Variants in ATP8A2 observed in about 807,000 individuals in gnomAD.
ATP8A2 encodes the protein ATPase phospholipid transporting 8A2.
Under a neutral mutation model 165.6 loss-of-function variants are expected in ATP8A2, and 100 were observed. That is an observed-to-expected ratio of 0.60 (90% confidence interval 0.51 to 0.71). ATP8A2 has a LOEUF of 0.71. Ranked by LOEUF, ATP8A2 falls within the 30% of genes least tolerant of loss-of-function variation. The probability of loss-of-function intolerance (pLI) is 0.00; values close to 1 mark genes in which losing one functional copy is unlikely to be tolerated. For missense variants in ATP8A2, 1,227 were observed against 1,479.5 expected (o/e 0.83, Z 2.80); for synonymous variants, 543 against 548.8 (o/e 0.99, Z 0.15).
chr13:25,658,929 G>A (rs1321904206), intron 24 of ATP8A2, among the ~76,000 whole-genome samples: 1 of 152,210 alleles, frequency 6.6e-6, no homozygotes, highest in Non-Finnish European at 1.5e-5. Context: ...GTGAGCTGTG[G>A]ATGAAGGGTA....
chr13:25,400,521 T>C (rs1459185054), intron 1 of ATP8A2, among the ~76,000 whole-genome samples: 5 of 152,242 alleles, frequency 3.3e-5, no homozygotes, highest in Admixed American at 1.3e-4. Flanking sequence ...TAGTATCATT[T>C]CAAGTCCTCT....
intron 33 of ATP8A2, among the ~76,000 whole-genome samples, chr13:25,884,224 A>G (rs1216930856): frequency 2.0e-5 from 3 of 152,144 alleles, no homozygotes; most frequent in African/African-American, 4.8e-5. Flanking sequence ...TTGGAGTTAC[A>G]TGGGTCTCTG....
intron 2 of ATP8A2, among the ~76,000 whole-genome samples, chr13:25,472,872 C>A (rs2035885631): frequency 6.6e-6 from 1 of 152,158 alleles, no homozygotes; most frequent in African/African-American, 2.4e-5. Flanking sequence ...GTTTGAAACC[C>A]TCTGGATCAT....
intron 33 of ATP8A2, among the ~76,000 whole-genome samples, chr13:25,911,365 C>G (rs1194846172): frequency 6.6e-6 from 1 of 152,198 alleles, no homozygotes; most frequent in Admixed American, 6.5e-5. Context: ...CAGCATGGCA[C>G]AGGCCTATCA....
At chr13:25,998,184 G>A (rs1396497963) in intron 35 of ATP8A2, among the ~76,000 whole-genome samples, 1 of 152,188 alleles carries the variant, frequency 6.6e-6, no homozygotes, top group Non-Finnish European at 1.5e-5. Context: ...ACATCACCCA[G>A]TGAAGAGGGA....
At chr13:25,376,652 T>C (rs2032636616) in intron 1 of ATP8A2, among the ~76,000 whole-genome samples, 1 of 152,216 alleles carries the variant, frequency 6.6e-6, no homozygotes, top group Non-Finnish European at 1.5e-5. Flanking sequence ...ATCAAGATGA[T>C]ATCGACAACA....
chr13:25,404,900 C>T (rs10467671), intron 1 of ATP8A2, among the ~76,000 whole-genome samples: 1,562 of 151,988 alleles, frequency 0.01, 22 homozygotes, highest in African/African-American at 0.036. Context: ...GGAAAAAGTG[C>T]CCTGACCAGA....
intron 1 of ATP8A2, among the ~76,000 whole-genome samples, chr13:25,438,158 G>A (rs2034830607): frequency 6.6e-6 from 1 of 152,178 alleles, no homozygotes; most frequent in South Asian, 2.1e-4. Context: ...GATGAGAAAT[G>A]AGGAAGGGTC....
chr13:25,815,197 A>C (rs1246066428), intron 27 of ATP8A2, among the ~76,000 whole-genome samples: 1 of 152,176 alleles, frequency 6.6e-6, no homozygotes, highest in Non-Finnish European at 1.5e-5. Flanking sequence ...AAATAGACAA[A>C]TTGGACTTCA....
chr13:25,452,200 TG>T lies in ATP8A2; in HGVS notation c.77-16775del, dbSNP rs746114246. ...GTCCACAGGTTTGAGTGAGAGAACT[TG>T]GAGAGCGGGAAGGTCACAACCCAGC... On this transcript the variant is annotated intron_variant, in intron 1 of 36. Coordinates refer to ENST00000381655, the MANE Select transcript of ATP8A2 (RefSeq NM_016529.6). Among the ~76,000 whole-genome samples, 24 of 152,060 alleles carry T rather than the reference TG, an allele frequency of 1.6e-4. 1 individual carries two copies. The highest frequency in any genetic ancestry group is 2.5e-4 in the Non-Finnish European group (17 of 68,018).
At chr13:25,627,651 T>G (rs1026289980) in intron 24 of ATP8A2, among the ~76,000 whole-genome samples, 2 of 152,166 alleles carry the variant, frequency 1.3e-5, no homozygotes, top group Non-Finnish European at 2.9e-5. Flanking sequence ...ACTTCTAGCC[T>G]CCATAACTTT....
chr13:25,839,394 G>T (rs557492674), intron 29 of ATP8A2, 152 bp from the exon 30 acceptor site: 8 of 502,778 alleles, frequency 1.6e-5, no homozygotes, highest in African/African-American at 4.0e-5. Flanking sequence ...ATTTGGGTGG[G>T]TTTTTTTTTT....
In ATP8A2 at chr13:25,656,740, C is replaced by CAA. The variant is rs11326774; in HGVS notation, c.2212-42418_2212-42417dup. ...TGAGCAACAGAGTGAGACTCTGTCTCAAAAAAAAAAAAAAAAGATATATTT... is the reference window on the plus strand; with the variant it reads ...TGAGCAACAGAGTGAGACTCTGTCTCAAAAAAAAAAAAAAAAAAGATATATTT... On this transcript the variant is annotated intron_variant, in intron 24 of 36. Coordinates refer to ENST00000381655, the MANE Select transcript of ATP8A2 (RefSeq NM_016529.6). Among the ~76,000 whole-genome samples the CAA allele has an allele frequency of 2.9e-4, 33 of 114,886 alleles. No individual in the cohort carries two copies. In the East Asian group the frequency reaches 4.3e-3, roughly 15 times the overall value. The allele number at this position is 114,886 out of a possible 152,430, so 75.4% of individuals were successfully genotyped here.
At chr13:25,471,496 G>A (rs1303509173) in intron 2 of ATP8A2, among the ~76,000 whole-genome samples, 4 of 152,034 alleles carry the variant, frequency 2.6e-5, no homozygotes, top group South Asian at 2.1e-4. Context: ...GATTACAGGC[G>A]CCTGCCCAGC....
intron 1 of ATP8A2, among the ~76,000 whole-genome samples, chr13:25,423,932 C>T (rs1013422371): frequency 6.6e-6 from 1 of 152,050 alleles, no homozygotes; most frequent in Non-Finnish European, 1.5e-5. Context: ...CCACTGACAG[C>T]GTGGGCAAAG....
At chr13:25,480,833 G>C (rs1242251297) in intron 2 of ATP8A2, among the ~76,000 whole-genome samples, 3 of 150,302 alleles carry the variant, frequency 2.0e-5, no homozygotes, top group Non-Finnish European at 4.5e-5. Context: ...GTAGCGAGCC[G>C]AGATCACGCC....
rs373809144 is a variant in ATP8A2, at chr13:25,434,944, T to C, written c.77-34033T>C. ...CATCTCATCTTGTCTCATCCCTGGA[T>C]GATGATGGCGTTAATGAGAAAGAAA... On this transcript the variant is annotated intron_variant, in intron 1 of 36. Transcript: ENST00000381655. Among the ~76,000 whole-genome samples, 54 of 152,262 alleles carry C rather than the reference T, an allele frequency of 3.5e-4. 2 individuals carry two copies. In the South Asian group the frequency reaches 0.011, roughly 32 times the overall value.
rs190797771 is a variant in ATP8A2, at chr13:25,859,072, G to A, written c.2957-1123G>A. ...ACAAAAATTAGCCAGGCATGGTGGC[G>A]GGCACCTGTAATCCCAGCTACTTGG... On this transcript the variant is annotated intron_variant, in intron 30 of 36. Transcript: ENST00000381655. Among the ~76,000 whole-genome samples the A allele has an allele frequency of 1.6e-4, 24 of 151,838 alleles. 1 individual carries two copies. Among genetic ancestry groups the A allele is most frequent in the South Asian group, 6.3e-4 (3 of 4,766 alleles).
intron 2 of ATP8A2, among the ~76,000 whole-genome samples, chr13:25,514,630 T>C (rs974189920): frequency 3.3e-5 from 5 of 152,242 alleles, no homozygotes; most frequent in Admixed American, 1.3e-4. Context: ...ATGTTTCTTT[T>C]ATGAAGTCTT....
Sources: gnomAD v4.1 joint callset for allele counts (sites outside exome capture counted in the v4.1 genomes callset) on GRCh38, gnomAD v4.1.1 for gene constraint, MANE v1.5 for transcripts, NCBI Gene and HGNC (gene_info 2026-07-23, HGNC 2026-07-21) for gene names.